The following AMN variants were observed in gnomAD, a reference collection of about 807,000 sequenced individuals.
The protein encoded by AMN is protein amnionless.
In AMN, 40 loss-of-function variants were observed where a neutral mutation model predicts 49.1. The observed-to-expected ratio is 0.81, with a 90% CI of 0.63 to 1.06. The LOEUF (loss-of-function observed/expected upper bound fraction) is 1.06, where lower values mean the gene tolerates loss of function less well. AMN is among the 50% of genes least tolerant of loss of function. AMN has a pLI of 0.00. For synonymous variants in AMN, 380 were observed against 313.3 expected, an observed-to-expected ratio of 1.21 and a Z score of -2.25; for missense variants, 701 against 662.8, an observed-to-expected ratio of 1.06 and a Z score of -0.63.
chr14:102,930,138 A>G, intron 9 of AMN, 27 bp from the exon 10 acceptor site: 2 of 1,498,652 alleles, frequency 1.3e-6, no homozygotes, highest in Non-Finnish European at 1.8e-6. Flanking sequence ...CGCCGCGGGG[A>G]AGACTGAGCC....
Position 102,929,724 on chromosome 14 carries a change from C to T in AMN, c.830C>T (p.Thr277Ile), listed in dbSNP as rs991168089. 5 of 1,550,706 alleles carry T rather than the reference C, an allele frequency of 3.2e-6. No individual in the cohort carries two copies. In the Admixed American group the frequency reaches 7.8e-5, roughly 24 times the overall value. ...CGGTACCGGGCGCGGATACTGGACA[C>T]CTTCCTGGGTCTGGTAATGGGGCCG... ...LERYRARILD[T>I]FLGLPQYHGL... Residue 277 changes from threonine to isoleucine, a missense_variant, in exon 8 of 12, where the codon ACC becomes ATC. Transcript: ENST00000299155.
chr14:102,923,541 C>T, intron 1 of AMN, 170 bp from the exon 2 acceptor site: 2 of 677,074 alleles, frequency 3.0e-6, no homozygotes, highest in East Asian at 2.7e-5. Context: ...GCAGGGCGCC[C>T]ACAGTCTGGC....
chr14:102,922,681 G>A lies in AMN; in HGVS notation c.-8G>A, dbSNP rs764306556. 4 of 1,599,478 alleles carry A rather than the reference G, an allele frequency of 2.5e-6. No individual in the cohort carries two copies. Among genetic ancestry groups the A allele is most frequent in the Non-Finnish European group, 1.7e-6 (2 of 1,175,906 alleles). On this transcript the variant is annotated 5_prime_UTR_variant, in exon 1 of 12. Transcript: ENST00000299155. Reference sequence around the variant, plus strand: ...GTCTCCTGGTGGGGTGCAAGGAGCCGAGGCGAGATGGGCGTCCTGGGCCGG... The same window carrying A: ...GTCTCCTGGTGGGGTGCAAGGAGCCAAGGCGAGATGGGCGTCCTGGGCCGG...
chr14:102,929,032 G>A, intron 5 of AMN, 57 bp downstream of exon 5: 2 of 1,594,566 alleles, frequency 1.3e-6, no homozygotes, highest in Non-Finnish European at 1.7e-6. Flanking sequence ...GCCCGACCCC[G>A]CCCCTCCTGG....
rs1188646624 is a variant in AMN, at chr14:102,930,793, T to C, written c.*113T>C. On this transcript the variant is annotated 3_prime_UTR_variant, in exon 12 of 12. Coordinates refer to ENST00000299155, the MANE Select transcript of AMN (RefSeq NM_030943.4). ...AAACCTCCCCTTCCTTTCCCCCTCC[T>C]CCGGGGGCCAAGGACAGGGTGGCCT... is the stretch of plus-strand genomic sequence containing the variant. 7 of 1,199,086 alleles carry C rather than the reference T, an allele frequency of 5.8e-6. No individual in the cohort carries two copies. The Admixed American group carries it at 7.9e-5, about 14-fold the overall frequency. The allele number at this position is 1,199,086 out of a possible 1,614,324, so 74.3% of individuals were successfully genotyped here. A position where few individuals can be genotyped will look rare whatever the true frequency, so the allele number is the denominator to read the frequency against.
At chr14:102,930,530 GGCCGGGACTCGGC>G in intron 11 of AMN, 33 bp from the exon 12 acceptor site, 1 of 1,544,516 alleles carries the variant, frequency 6.5e-7, no homozygotes, top group Non-Finnish European at 8.7e-7. Context: ...GCCTCCTCGG[GGCCGGGACTCGGC>G]GCCGACCGCC....
At chr14:102,926,788 G>A (rs947622168) in intron 3 of AMN, among the ~76,000 whole-genome samples, 1 of 152,080 alleles carries the variant, frequency 6.6e-6, no homozygotes, top group Non-Finnish European at 1.5e-5. Context: ...TCAAGAGCAT[G>A]GACGGACTCT....
rs370253257 is a variant in AMN, at chr14:102,928,742, A to T, written c.296-16A>T. 31 of 1,603,262 alleles carry T rather than the reference A, an allele frequency of 1.9e-5. No homozygotes were observed. In the South Asian group the frequency reaches 2.8e-4, roughly 14 times the overall value. On this transcript the variant is annotated splice_polypyrimidine_tract_variant and intron_variant, in intron 4 of 11. Transcript: ENST00000299155. Reference sequence around the variant, plus strand: ...GGCGCTTGTTCCGTGGAGCTCAGGGATGTGCTCCGGCTCAGGCGAACCTGC... The same window carrying T: ...GGCGCTTGTTCCGTGGAGCTCAGGGTTGTGCTCCGGCTCAGGCGAACCTGC...
In AMN at chr14:102,928,951, C is replaced by G; in HGVS notation, c.489C>G (p.Val163=). ...GLGPGASPVR[V]RSISALGRTF... is the part of the protein sequence containing the mutation. ...GCCCTGGCGCTAGCCCCGTGCGTGTCCGCAGCATCTCGGCTCTGGGCCGGG... is the reference window on the plus strand; with the variant it reads ...GCCCTGGCGCTAGCCCCGTGCGTGTGCGCAGCATCTCGGCTCTGGGCCGGG... The change falls in exon 5 of 12, where the codon GTC becomes GTG. Residue 163 remains valine, a synonymous_variant. Transcript: ENST00000299155. The G allele has an allele frequency of 6.3e-7, 1 of 1,599,842 alleles. No homozygotes were observed. Among genetic ancestry groups the G allele is most frequent in the Middle Eastern group, 1.7e-4 (1 of 6,060 alleles).
intron 1 of AMN, chr14:102,923,505 G>A: frequency 5.0e-6 from 3 of 598,544 alleles, no homozygotes; most frequent in Non-Finnish European, 9.0e-6. Context: ...GCAGGTATCA[G>A]TAGAAGTCCG....
intron 3 of AMN, among the ~76,000 whole-genome samples, chr14:102,924,354 C>G (rs974978888): frequency 2.0e-5 from 3 of 151,886 alleles, no homozygotes; most frequent in South Asian, 2.1e-4. Flanking sequence ...AACACCCCCC[C>G]CTCTACCCAC....
chr14:102,928,407 C>A lies in AMN; in HGVS notation c.208-19C>A, dbSNP rs765275668. On this transcript the variant is annotated intron_variant, in intron 3 of 11. Coordinates refer to ENST00000299155, the MANE Select transcript of AMN (RefSeq NM_030943.4). ...CCCGGACCCCCGCGTGGCGCCGCCT[C>A]AGCCCGTGTCTCTTGCAGCTCCTGC... is the stretch of plus-strand genomic sequence containing the variant. 2.5e-6 allele frequency: 4 copies of A among 1,577,700 alleles called. No homozygotes were observed. The highest frequency in any genetic ancestry group is 3.4e-6 in the Non-Finnish European group (4 of 1,164,466).
At position 102,930,807 on chromosome 14, in the gene AMN, A is replaced by G; in HGVS notation, c.*127A>G. On this transcript the variant is annotated 3_prime_UTR_variant, in exon 12 of 12. Transcript: ENST00000299155. Reference sequence around the variant, plus strand: ...TTTCCCCCTCCTCCGGGGGCCAAGGACAGGGTGGCCTTACTCAGTAAAGGT... The same window carrying G: ...TTTCCCCCTCCTCCGGGGGCCAAGGGCAGGGTGGCCTTACTCAGTAAAGGT... 2 of 1,103,686 alleles carry G rather than the reference A, an allele frequency of 1.8e-6. No individual in the cohort carries two copies. Among genetic ancestry groups the G allele is most frequent in the South Asian group, 1.3e-5 (1 of 74,226 alleles). The allele number at this position is 1,103,686 out of a possible 1,614,324, so 68.4% of individuals were successfully genotyped here.
rs1027973780 is a variant in AMN at position 102,930,657 on chromosome 14, G to C, written c.1339G>C (p.Ala447Pro). The C allele has an allele frequency of 6.3e-7, 1 of 1,590,858 alleles. No homozygotes were observed. Among genetic ancestry groups the C allele is most frequent in the Non-Finnish European group, 8.5e-7 (1 of 1,171,610 alleles). ...CAGTTACTTCGTCAACCCTCTGTTCGCCGGGGCCGAGGCCGAGGCCTGAGC... is the reference window on the plus strand; with the variant it reads ...CAGTTACTTCGTCAACCCTCTGTTCCCCGGGGCCGAGGCCGAGGCCTGAGC... The part of the protein sequence containing the change: ...SHSYFVNPLF[A>P]GAEAEA Residue 447 changes from alanine to proline, a missense_variant, in exon 12 of 12, where the codon GCC becomes CCC. Transcript: ENST00000299155.
At chr14:102,923,445 C>T (rs577466165) in intron 1 of AMN, 28 of 489,968 alleles carry the variant, frequency 5.7e-5, no homozygotes, top group African/African-American at 4.1e-4. Flanking sequence ...GGGGCAGTGC[C>T]GGGAGGCTAT....
Position 102,929,120 on chromosome 14 carries a change from G to A in AMN, c.514-1G>A. 6.3e-7 allele frequency: 1 copy of A among 1,597,588 alleles called. No individual in the cohort carries two copies. Among genetic ancestry groups the A allele is most frequent in the Non-Finnish European group, 8.5e-7 (1 of 1,179,628 alleles). On this transcript the variant is annotated splice_acceptor_variant, in intron 5 of 11. Transcript: ENST00000299155. LOFTEE classifies it high-confidence loss of function. ...TCCGGTGGGGACCCGGCTGCCCGCA[G>A]ACGTTCACGCGCGACGAGGACCTGG...
chr14:102,923,362 C>T (rs1891105415), intron 1 of AMN: 2 of 378,654 alleles, frequency 5.3e-6, no homozygotes, highest in South Asian at 2.2e-5. Flanking sequence ...TCTGTGCTGC[C>T]CCATCCTCCT....
intron 1 of AMN, 68 bp from the exon 2 acceptor site, chr14:102,923,643 T>G: frequency 7.3e-7 from 1 of 1,374,736 alleles, no homozygotes; most frequent in South Asian, 1.2e-5. Context: ...CTTCTCTGGG[T>G]GGGTGGCCTT....
Position 102,923,729 on chromosome 14 carries a change from C to T in AMN, c.62C>T (p.Ser21Phe), listed in dbSNP as rs202122792. The change falls in exon 2 of 12, where the codon TCC becomes TTC. Residue 21 changes from serine to phenylalanine, a missense_variant. Ser to Phe is a radical substitution (Grantham distance 155, BLOSUM62 -2). Coordinates refer to ENST00000299155, the MANE Select transcript of AMN (RefSeq NM_030943.4). ...LQLCALTQAV[S>F]KLWVPNTDFD... is the part of the protein sequence containing the mutation. ...TCCCCAGCACTGACCCAGGCGGTCT[C>T]CAAACTCTGGGTCCCCAACACGGAC... 3.2e-5 allele frequency: 51 copies of T among 1,612,808 alleles called. No individual in the cohort carries two copies. In the Admixed American group the frequency reaches 6.5e-4, roughly 21 times the overall value.
Sources: allele counts gnomAD v4.1 joint callset (sites outside exome capture counted in the v4.1 genomes callset), GRCh38; gene constraint gnomAD v4.1.1; transcripts MANE v1.5; gene names NCBI Gene and HGNC (gene_info 2026-07-23, HGNC 2026-07-21).